Variants in SPAG4 observed in about 807,000 individuals in gnomAD.
The protein encoded by SPAG4 is sperm-associated antigen 4 protein.
A neutral mutation model predicts 53.9 loss-of-function variants in SPAG4; 54 were observed. The observed-to-expected ratio is 1.00, with a 90% CI of 0.80 to 1.26. The LOEUF (loss-of-function observed/expected upper bound fraction) is 1.26, where lower values mean the gene tolerates loss of function less well. Ranked by LOEUF, SPAG4 falls within the 50% of genes most tolerant of loss-of-function variation. The pLI is 0.00. For synonymous variants in SPAG4, 246 were observed against 237.4 expected (o/e 1.04, Z -0.33); for missense variants, 548 against 568.6 (o/e 0.96, Z 0.37).
At position 35,619,651 on chromosome 20, in the gene SPAG4, C is replaced by T; in HGVS notation, c.982C>T (p.Arg328Ter). ...QGQVVIQLPG[R>*]VQLSDITLQH... ...CCAGGTGGTGATCCAACTGCCGGGC[C>T]GAGTGCAGCTGAGCGACATCACTCT... The change falls in exon 10 of 12, where the codon CGA (arginine) becomes TGA (stop). Residue 328 changes from arginine (R) to a stop codon, truncating the protein, a stop_gained. Coordinates refer to ENST00000374273, the MANE Select transcript of SPAG4 (RefSeq NM_003116.3). LOFTEE classifies it high-confidence loss of function. The T allele has an allele frequency of 6.2e-7, 1 of 1,614,020 alleles. No homozygotes were observed. The highest frequency in any genetic ancestry group is 1.3e-5 in the African/African-American group (1 of 75,044).
intron 10 of SPAG4, 52 bp from the exon 11 acceptor site, chr20:35,620,632 C>G (rs753704869): frequency 1.6e-4 from 85 of 540,098 alleles, no homozygotes; most frequent in East Asian, 1.5e-3. Flanking sequence ...CCCCGCCCCC[C>G]CCGCCCCACC....
chr20:35,619,368 A>C, intron 9 of SPAG4, 58 bp downstream of exon 9: 1 of 1,525,452 alleles, frequency 6.6e-7, no homozygotes, highest in Non-Finnish European at 9.1e-7. Context: ...AAAAGCACCA[A>C]AACCCCGCCC....
In SPAG4 at chr20:35,616,109, G is replaced by C; in HGVS notation, c.106G>C (p.Gly36Arg). 1 of 1,608,190 alleles carries C rather than the reference G, an allele frequency of 6.2e-7. No individual in the cohort carries two copies. Among genetic ancestry groups the C allele is most frequent in the Non-Finnish European group, 8.5e-7 (1 of 1,177,920 alleles). The change falls in exon 1 of 12, where the codon GGG (glycine) becomes CGG (arginine). Residue 36 changes from glycine (G) to arginine (R), a missense_variant. Coordinates refer to ENST00000374273, the MANE Select transcript of SPAG4 (RefSeq NM_003116.3). ...SMSITSEDSKGLRSAEPGPGE... is the reference protein window; with the variant it reads ...SMSITSEDSKRLRSAEPGPGE... Reference sequence around the variant, plus strand: ...GAGCATCACCTCGGAGGACAGCAAAGGGCTCCGGTCAGCGGAGCCCGGGCC... The same window carrying C: ...GAGCATCACCTCGGAGGACAGCAAACGGCTCCGGTCAGCGGAGCCCGGGCC...
chr20:35,619,751 G>A lies in SPAG4; in HGVS notation c.1077+5G>A. The A allele has an allele frequency of 6.2e-7, 1 of 1,604,718 alleles. No individual in the cohort carries two copies. The highest frequency in any genetic ancestry group is 8.5e-7 in the Non-Finnish European group (1 of 1,173,564). ...CCCCGCGATTTCGCGGTCTTTGTGA[G>A]TGCGGACGAGGTCAGGAGGTGGGGG... On this transcript the variant is annotated splice_donor_5th_base_variant and intron_variant, in intron 10 of 11. Coordinates refer to ENST00000374273, the MANE Select transcript of SPAG4 (RefSeq NM_003116.3).
Position 35,616,010 on chromosome 20 carries a change from C to T in SPAG4, c.7C>T (p.Arg3Ter). 2 of 1,611,288 alleles carry T rather than the reference C, an allele frequency of 1.2e-6. No individual in the cohort carries two copies. Among genetic ancestry groups the T allele is most frequent in the Non-Finnish European group, 1.7e-6 (2 of 1,179,516 alleles). The change falls in exon 1 of 12, where the codon CGA becomes TGA. Residue 3 changes from arginine (R) to a stop codon, truncating the protein, a stop_gained. Coordinates refer to ENST00000374273, the MANE Select transcript of SPAG4 (RefSeq NM_003116.3). LOFTEE classifies it high-confidence loss of function. Reference sequence around the variant, plus strand: ...TAGGCAGCAGGGGGTCAGGATGCGGCGAAGCTCCCGCCCGGGCTCGGCCTC... The same window carrying T: ...TAGGCAGCAGGGGGTCAGGATGCGGTGAAGCTCCCGCCCGGGCTCGGCCTC... MR[R>*]SSRPGSASSS...
At chr20:35,617,374 C>A in intron 2 of SPAG4, 134 bp downstream of exon 2, 1 of 952,466 alleles carries the variant, frequency 1.0e-6, no homozygotes. Flanking sequence ...TAGCCCCCAT[C>A]CAATTATCCT....
intron 3 of SPAG4, 68 bp downstream of exon 3, chr20:35,617,654 C>T: frequency 6.3e-7 from 1 of 1,585,498 alleles, no homozygotes. Flanking sequence ...GGGCCGGAAC[C>T]TTGCTGGCGC....
Position 35,619,729 on chromosome 20 carries a change from C to A in SPAG4, c.1060C>A (p.Arg354Ser). Residue 354 changes from arginine (R) to serine (S), a missense_variant, in exon 10 of 12, where the codon CGC (arginine) becomes AGC (serine). Arg to Ser is a moderately radical substitution (Grantham distance 110). Transcript: ENST00000374273. ...EHTGGANSAP[R>S]DFAVFGLQVY... Reference sequence around the variant, plus strand: ...CACCGGAGGAGCCAACAGCGCCCCCCGCGATTTCGCGGTCTTTGTGAGTGC... The same window carrying A: ...CACCGGAGGAGCCAACAGCGCCCCCAGCGATTTCGCGGTCTTTGTGAGTGC... 1.9e-6 allele frequency: 3 copies of A among 1,610,340 alleles called. No individual in the cohort carries two copies. The highest frequency in any genetic ancestry group is 1.1e-5 in the South Asian group (1 of 90,986).
chr20:35,617,233 C>A lies in SPAG4; in HGVS notation c.402C>A (p.Ser134Arg). 1 of 1,595,888 alleles carries A rather than the reference C, an allele frequency of 6.3e-7. No individual in the cohort carries two copies. The highest frequency in any genetic ancestry group is 8.5e-7 in the Non-Finnish European group (1 of 1,170,882). The change falls in exon 2 of 12, where the codon AGC becomes AGA. Residue 134 changes from serine to arginine, a missense_variant. Ser to Arg is a moderately radical substitution (Grantham distance 110, BLOSUM62 -1). Coordinates refer to ENST00000374273, the MANE Select transcript of SPAG4 (RefSeq NM_003116.3). ...QEMPPPRVFK[S>R]FLSLLFQGLS... ...TGCCTCCCCCGCGGGTGTTCAAGAG[C>A]TTTCTGAGTACGGGCCAGGCCAGCT...
chr20:35,617,509 C>T lies in SPAG4; in HGVS notation c.410-11C>T. 1 of 1,583,740 alleles carries T rather than the reference C, an allele frequency of 6.3e-7. No homozygotes were observed. The highest frequency in any genetic ancestry group is 8.6e-7 in the Non-Finnish European group (1 of 1,163,758). ...CGTGGGCCCCTCTCTGACCCTCTGT[C>T]CTGGCCTCAGGCCTGCTCTTCCAGG... On this transcript the variant is annotated splice_polypyrimidine_tract_variant and intron_variant, in intron 2 of 11. Coordinates refer to ENST00000374273, the MANE Select transcript of SPAG4 (RefSeq NM_003116.3).
Position 35,617,568 on chromosome 20 carries a change from T to C in SPAG4, c.458T>C (p.Val153Ala). 6.2e-7 allele frequency: 1 copy of C among 1,606,530 alleles called. No homozygotes were observed. The change falls in exon 3 of 12, where the codon GTG (valine) becomes GCG (alanine). Residue 153 changes from valine (V) to alanine (A), a missense_variant. Physicochemically the swap from Val to Ala is moderately conservative, Grantham distance 64 (BLOSUM62 0). Transcript: ENST00000374273. The part of the protein sequence containing the change: ...LSVLLSLAGD[V>A]LVSMYREVCS... ...GTGTTGTTATCCCTGGCAGGAGACG[T>C]GCTGGTCAGCATGTACAGGTCAGAG...
At chr20:35,618,032 G>A (rs1468756382) in intron 4 of SPAG4, 55 bp from the exon 5 acceptor site, 8 of 1,579,112 alleles carry the variant, frequency 5.1e-6, no homozygotes, top group Non-Finnish European at 6.1e-6. Flanking sequence ...CCCCTATGCC[G>A]GGGAAACCCA....
chr20:35,616,163 G>T lies in SPAG4; in HGVS notation c.160G>T (p.Gly54Cys). The change falls in exon 1 of 12, where the codon GGC becomes TGC. Residue 54 changes from glycine to cysteine, a missense_variant. Coordinates refer to ENST00000374273, the MANE Select transcript of SPAG4 (RefSeq NM_003116.3). ...GGAGCCCGAGGGCAGAAGAGCCCGG[G>T]GCCCGAGCTGCGGTGAGCCCGCCTT... ...PGEPEGRRARGPSCGEPALSA... is the reference protein window; with the variant it reads ...PGEPEGRRARCPSCGEPALSA... 1 of 1,598,266 alleles carries T rather than the reference G, an allele frequency of 6.3e-7. No homozygotes were observed. Among genetic ancestry groups the T allele is most frequent in the Middle Eastern group, 1.7e-4 (1 of 5,844 alleles).
chr20:35,617,397 C>A, intron 2 of SPAG4, 123 bp from the exon 3 acceptor site: 1 of 1,031,604 alleles, frequency 9.7e-7, no homozygotes, highest in South Asian at 1.4e-5. Flanking sequence ...CCGACCCTCT[C>A]TTCCTGAGCC....
At chr20:35,618,037 A>C in intron 4 of SPAG4, 50 bp from the exon 5 acceptor site, 1 of 1,591,330 alleles carries the variant, frequency 6.3e-7, no homozygotes, top group Non-Finnish European at 8.6e-7. Context: ...ATGCCGGGGA[A>C]ACCCATTCTC....
At position 35,616,046 on chromosome 20, in the gene SPAG4, A is replaced by C; in HGVS notation, c.43A>C (p.Lys15Gln). The C allele has an allele frequency of 6.2e-7, 1 of 1,612,636 alleles. No homozygotes were observed. The highest frequency in any genetic ancestry group is 1.1e-5 in the South Asian group (1 of 91,072). Residue 15 changes from lysine to glutamine, a missense_variant, in exon 1 of 12, where the codon AAG (lysine) becomes CAG (glutamine). Lys to Gln is a moderately conservative substitution (Grantham distance 53). Transcript: ENST00000374273. ...CCCGGGCTCGGCCTCGTCCTCGCGC[A>C]AGCACACGCCCAACTTTTTCAGCGA... ...SRPGSASSSRKHTPNFFSENS... is the reference protein window; with the variant it reads ...SRPGSASSSRQHTPNFFSENS...
At chr20:35,616,378 C>T in intron 1 of SPAG4, 71 bp downstream of exon 1, 1 of 1,424,816 alleles carries the variant, frequency 7.0e-7, no homozygotes, top group Non-Finnish European at 9.1e-7. Context: ...TGGGCGGGGA[C>T]GGGGCTAAGA....
chr20:35,617,102 G>C, intron 1 of SPAG4, 34 bp from the exon 2 acceptor site: 1 of 1,408,612 alleles, frequency 7.1e-7, no homozygotes, highest in Non-Finnish European at 9.9e-7. Context: ...TCTGTGGTCC[G>C]CAAGGCCCCA....
In SPAG4 at chr20:35,621,080, T is replaced by C; in HGVS notation, c.*58T>C. Reference sequence around the variant, plus strand: ...GCTGAAGGATACTGGATCAGTGCTTTCGGGGGCTCTGTTGGGAGAGCTCTG... The same window carrying C: ...GCTGAAGGATACTGGATCAGTGCTTCCGGGGGCTCTGTTGGGAGAGCTCTG... On this transcript the variant is annotated 3_prime_UTR_variant, in exon 12 of 12. Transcript: ENST00000374273. 2.5e-6 allele frequency: 4 copies of C among 1,580,262 alleles called. No individual in the cohort carries two copies. The highest frequency in any genetic ancestry group is 3.5e-6 in the Non-Finnish European group (4 of 1,152,868).
Sources: gnomAD v4.1 joint callset for allele counts on GRCh38, gnomAD v4.1.1 for gene constraint, MANE v1.5 for transcripts, NCBI Gene and HGNC (gene_info 2026-07-23, HGNC 2026-07-21) for gene names.